Variants in SLC7A6 observed in about 807,000 individuals in gnomAD.
SLC7A6 encodes the protein solute carrier family 7 member 6, also known as Y+L amino acid transporter 2.
SLC7A6 carries 29 observed loss-of-function variants against 46.6 expected under a neutral mutation model. The ratio of observed to expected loss-of-function variants is 0.62; its 90% confidence interval spans 0.46 to 0.85. SLC7A6 has a LOEUF of 0.85. Ranked by LOEUF, SLC7A6 falls within the 40% of genes least tolerant of loss-of-function variation. SLC7A6 has a pLI of 0.00. For synonymous variants in SLC7A6, 276 were observed against 257.3 expected (o/e 1.07, Z -0.70); for missense variants, 527 against 647.6 (o/e 0.81, Z 2.02).
intron 7 of SLC7A6, chr16:68,292,488 C>T (rs1412809405): frequency 1.3e-5 from 2 of 152,146 alleles, no homozygotes; most frequent in Non-Finnish European, 2.9e-5. Context: ...CGTTTCGCAT[C>T]TCTCCTCTTC....
At position 68,301,103 on chromosome 16, in the gene SLC7A6, T is replaced by C. The variant is rs886871940; in HGVS notation, c.*3775T>C. On this transcript the variant is annotated 3_prime_UTR_variant, in exon 11 of 11. Coordinates refer to ENST00000219343, the MANE Select transcript of SLC7A6 (RefSeq NM_003983.6). ...CCTACTGTAAGTGGAAAAGACTCAC[T>C]CCCCTAACATAAGTTTTCACTGTGG... is the stretch of plus-strand genomic sequence containing the variant. 7.1e-5 allele frequency: 94 copies of C among 1,329,296 alleles called. 1 individual carries two copies. In the Middle Eastern group the frequency reaches 1.5e-3, roughly 21 times the overall value. The allele number at this position is 1,329,296 out of a possible 1,614,324, so 82.3% of individuals were successfully genotyped here. A position where few individuals can be genotyped will look rare whatever the true frequency, so the allele number is the denominator to read the frequency against.
intron 2 of SLC7A6, chr16:68,273,775 AT>A (rs34895137): frequency 0.043 from 6,147 of 142,928 alleles, 387 homozygotes; most frequent in African/African-American, 0.14. Flanking sequence ...CCAGGCATGT[AT>A]TTTTTTTTTT....
At chr16:68,268,494 A>T (rs573245185) in intron 2 of SLC7A6, among the ~76,000 whole-genome samples, 1 of 152,218 alleles carries the variant, frequency 6.6e-6, no homozygotes, top group South Asian at 2.1e-4. Context: ...CATTACAAAA[A>T]TTTTGGTTTC....
In SLC7A6 at chr16:68,296,872, G is replaced by A. The variant is rs1353403598; in HGVS notation, c.1453+62G>A. ...ATGTGTGCATGCGCATGCAGAGGTG[G>A]GGGGTGGCTAACAGCTTCCCCATAC... is the stretch of plus-strand genomic sequence containing the variant. On this transcript the variant is annotated intron_variant, in intron 10 of 10. Transcript: ENST00000219343. The A allele has an allele frequency of 4.5e-6, 7 of 1,564,692 alleles. No individual in the cohort carries two copies. In the African/African-American group the frequency reaches 9.5e-5, roughly 21 times the overall value.
chr16:68,301,537 G>T lies in SLC7A6; in HGVS notation c.*4209G>T, dbSNP rs1597019376. 1.5e-6 allele frequency: 1 copy of T among 650,352 alleles called. No individual in the cohort carries two copies. Among genetic ancestry groups the T allele is most frequent in the Non-Finnish European group, 2.4e-6 (1 of 420,728 alleles). The allele number at this position is 650,352 out of a possible 1,614,324, so 40.3% of individuals were successfully genotyped here. A position where few individuals can be genotyped will look rare whatever the true frequency, so the allele number is the denominator to read the frequency against. On this transcript the variant is annotated 3_prime_UTR_variant, in exon 11 of 11. Transcript: ENST00000219343. ...AAATCCTTGCTCAATAAATAAAAAA[G>T]AATATAGAATTCTTTTTTTTTTAAA...
At position 68,275,225 on chromosome 16, in the gene SLC7A6, C is replaced by T. The variant is rs369705856; in HGVS notation, c.499C>T (p.Arg167Cys). ...PSCDPPYLAC[R>C]LLAAACICLL... ...CTGTGATCCCCCATACCTGGCCTGC[C>T]GTCTCCTGGCTGCTGCTTGCATATG... Residue 167 changes from arginine to cysteine, a missense_variant, in exon 3 of 11, where the codon CGT becomes TGT. By Grantham distance (180) the Arg-to-Cys change is radical. Coordinates refer to ENST00000219343, the MANE Select transcript of SLC7A6 (RefSeq NM_003983.6). 1.2e-5 allele frequency: 19 copies of T among 1,610,856 alleles called. No homozygotes were observed. Among genetic ancestry groups the T allele is most frequent in the East Asian group, 4.5e-5 (2 of 44,786 alleles).
chr16:68,278,197 C>T (rs1352014717), intron 3 of SLC7A6, among the ~76,000 whole-genome samples: 2 of 152,076 alleles, frequency 1.3e-5, no homozygotes, highest in African/African-American at 2.4e-5. Context: ...CCTCGTGATC[C>T]GCCTGCTTTG....
chr16:68,281,879 A>G (rs1316845738), intron 3 of SLC7A6, among the ~76,000 whole-genome samples: 2 of 152,232 alleles, frequency 1.3e-5, no homozygotes, highest in Non-Finnish European at 2.9e-5. Context: ...GAAGTAGTTC[A>G]TTGCTGACAC....
intron 2 of SLC7A6, among the ~76,000 whole-genome samples, chr16:68,267,695 G>A (rs1171654676): frequency 6.6e-6 from 1 of 152,200 alleles, no homozygotes; most frequent in African/African-American, 2.4e-5. Context: ...AAAGATCAAA[G>A]TAATGTCTTT....
intron 4 of SLC7A6, 42 bp downstream of exon 4, chr16:68,287,913 A>C: frequency 6.2e-7 from 1 of 1,605,056 alleles, no homozygotes; most frequent in African/African-American, 1.3e-5. Context: ...GTTCCTCTGG[A>C]TTCCCTGAGG....
chr16:68,275,836 G>T (rs999685667), intron 3 of SLC7A6, among the ~76,000 whole-genome samples: 1 of 151,888 alleles, frequency 6.6e-6, no homozygotes, highest in African/African-American at 2.4e-5. Flanking sequence ...GACAGGTTGG[G>T]GCATGTCTTT....
chr16:68,297,095 G>C, intron 10 of SLC7A6, 139 bp from the exon 11 acceptor site: 2 of 774,442 alleles, frequency 2.6e-6, no homozygotes, highest in East Asian at 2.7e-5. Context: ...GGCTTGTTGG[G>C]AGACAGGGGC....
rs1257465250 is a variant in SLC7A6, at chr16:68,301,569, A to G, written c.*4241A>G. On this transcript the variant is annotated 3_prime_UTR_variant, in exon 11 of 11. Coordinates refer to ENST00000219343, the MANE Select transcript of SLC7A6 (RefSeq NM_003983.6). ...GAATTCTTTTTTTTTTAAAGAAGGA[A>G]TCACTTTCCTATCATCTAAACCAAG... 1 of 543,472 alleles carries G rather than the reference A, an allele frequency of 1.8e-6. No homozygotes were observed. The highest frequency in any genetic ancestry group is 3.1e-6 in the Non-Finnish European group (1 of 327,750). 33.7% of individuals were successfully genotyped at this position (543,472 alleles called of 1,614,324 possible). A position where few individuals can be genotyped will look rare whatever the true frequency, so the allele number is the denominator to read the frequency against.
At chr16:68,284,696 C>G in intron 3 of SLC7A6, 1 of 977,318 alleles carries the variant, frequency 1.0e-6, no homozygotes, top group Non-Finnish European at 1.2e-6. Flanking sequence ...CCCCTTGGAG[C>G]TGCAAACCAG....
At chr16:68,272,789 G>A (rs1263884570) in intron 2 of SLC7A6, among the ~76,000 whole-genome samples, 1 of 152,188 alleles carries the variant, frequency 6.6e-6, no homozygotes, top group African/African-American at 2.4e-5. Context: ...GGTCACTGGG[G>A]TCAGATTTCT....
intron 2 of SLC7A6, chr16:68,273,988 C>T (rs2042665848): frequency 6.6e-6 from 1 of 152,416 alleles, no homozygotes; most frequent in African/African-American, 2.4e-5. Context: ...TCTCGATCTC[C>T]TGACCTTGTG....
intron 3 of SLC7A6, among the ~76,000 whole-genome samples, chr16:68,285,706 C>T (rs1440782760): frequency 6.6e-6 from 1 of 152,196 alleles, no homozygotes; most frequent in African/African-American, 2.4e-5. Flanking sequence ...GACAATTTGC[C>T]TTGCTCCAGG....
At chr16:68,275,281 G>T in intron 3 of SLC7A6, 32 bp downstream of exon 3, 6 of 1,577,040 alleles carry the variant, frequency 3.8e-6, no homozygotes, top group Admixed American at 1.7e-5. Flanking sequence ...GAGGATGTTG[G>T]GGGGTGGGGG....
At chr16:68,294,317 A>G (rs1325656595) in intron 7 of SLC7A6, among the ~76,000 whole-genome samples, 2 of 152,206 alleles carry the variant, frequency 1.3e-5, no homozygotes, top group African/African-American at 2.4e-5. Flanking sequence ...GGGCATGAAC[A>G]GAAATCTGGC....
Sources: gnomAD v4.1 joint callset for allele counts (sites outside exome capture counted in the v4.1 genomes callset) on GRCh38, gnomAD v4.1.1 for gene constraint, MANE v1.5 for transcripts, NCBI Gene and HGNC (gene_info 2026-07-23, HGNC 2026-07-21) for gene names.